MXI1: variants seen among roughly 807,000 people sequenced by gnomAD.
The protein encoded by MXI1 is max-interacting protein 1.
In MXI1, 18 loss-of-function variants were observed where a neutral mutation model predicts 36.9. That is an observed-to-expected ratio of 0.49 (90% CI 0.34 to 0.72). The LOEUF is 0.72. Among genes scored for constraint, MXI1 ranks in the 30% least tolerant of loss-of-function variants. The probability of loss-of-function intolerance (pLI) is 0.01; values close to 1 mark genes in which losing one functional copy is unlikely to be tolerated. For missense variants in MXI1, 304 were observed against 379.1 expected, an observed-to-expected ratio of 0.80 and a Z score of 1.64; for synonymous variants, 160 against 146.7, an observed-to-expected ratio of 1.09 and a Z score of -0.65.
chr10:110,250,841 A>AT (rs1307776906), intron 3 of MXI1, among the ~76,000 whole-genome samples: 1 of 150,704 alleles, frequency 6.6e-6, no homozygotes, highest in Non-Finnish European at 1.5e-5. Context: ...AAAAAAAAAA[A>AT]AAAAAAATAA....
intron 5 of MXI1, among the ~76,000 whole-genome samples, chr10:110,284,338 G>C (rs1857369679): frequency 6.6e-6 from 1 of 152,174 alleles, no homozygotes; most frequent in African/African-American, 2.4e-5. Flanking sequence ...ATGAATCCTA[G>C]AAGTCTGTTG....
intron 1 of MXI1, chr10:110,227,274 G>A: frequency 6.8e-6 from 6 of 879,748 alleles, no homozygotes; most frequent in Non-Finnish European, 8.0e-6. Context: ...GGGCGTGCGC[G>A]TGTGGGAGGG....
chr10:110,280,610 G>A (rs1185856785), intron 5 of MXI1, among the ~76,000 whole-genome samples: 1 of 151,572 alleles, frequency 6.6e-6, no homozygotes, highest in Non-Finnish European at 1.5e-5. Flanking sequence ...AACCCGGGAG[G>A]CGGAGCTTGC....
intron 3 of MXI1, among the ~76,000 whole-genome samples, chr10:110,273,576 A>G (rs1856929839): frequency 6.6e-6 from 1 of 151,770 alleles, no homozygotes; most frequent in African/African-American, 2.4e-5. Flanking sequence ...TTTGGTATAT[A>G]TGTGTAGGAA....
chr10:110,232,399 C>T (rs762232226), intron 2 of MXI1, among the ~76,000 whole-genome samples: 3 of 152,162 alleles, frequency 2.0e-5, no homozygotes, highest in Non-Finnish European at 2.9e-5. Flanking sequence ...TTGAATAACA[C>T]TCTTCTTCAG....
At chr10:110,226,905 G>T (rs1430883992) in intron 1 of MXI1, among the ~76,000 whole-genome samples, 2 of 15,966 alleles carry the variant, frequency 1.3e-4, no homozygotes. Context: ...TGTGAGGGAG[G>T]GGTGCGCGCG....
chr10:110,235,837 G>A (rs564069518), intron 2 of MXI1, among the ~76,000 whole-genome samples: 7 of 151,438 alleles, frequency 4.6e-5, no homozygotes, highest in Admixed American at 3.3e-4. Context: ...GGTGAAGCCC[G>A]TCTCTACTAA....
intron 1 of MXI1, among the ~76,000 whole-genome samples, chr10:110,217,574 C>T (rs1002123776): frequency 6.6e-6 from 1 of 152,200 alleles, no homozygotes; most frequent in Non-Finnish European, 1.5e-5. Flanking sequence ...GCTCCCAAGA[C>T]TGTGTGTGCC....
At chr10:110,278,737 C>T (rs891221673) in intron 3 of MXI1, among the ~76,000 whole-genome samples, 5 of 151,662 alleles carry the variant, frequency 3.3e-5, no homozygotes, top group Non-Finnish European at 7.4e-5. Flanking sequence ...TGCCCACACA[C>T]GTGCAAGCAA....
chr10:110,214,898 C>A (rs911401237), intron 1 of MXI1, among the ~76,000 whole-genome samples: 3 of 151,088 alleles, frequency 2.0e-5, no homozygotes, highest in Admixed American at 1.3e-4. Flanking sequence ...AAGTAACAAC[C>A]CAGCAAGAAA....
At chr10:110,282,471 A>C (rs745896729) in intron 5 of MXI1, among the ~76,000 whole-genome samples, 1 of 152,214 alleles carries the variant, frequency 6.6e-6, no homozygotes, top group Non-Finnish European at 1.5e-5. Flanking sequence ...ATTTATCAGT[A>C]ACAGTGAAAT....
intron 5 of MXI1, 75 bp from the exon 6 acceptor site, chr10:110,284,749 C>T: frequency 7.6e-7 from 1 of 1,315,450 alleles, no homozygotes; most frequent in Non-Finnish European, 1.0e-6. Flanking sequence ...TACCTCTTTT[C>T]CTCATGCTGT....
chr10:110,209,934 C>A (rs1455827166), intron 1 of MXI1, among the ~76,000 whole-genome samples: 1 of 150,740 alleles, frequency 6.6e-6, no homozygotes, highest in Non-Finnish European at 1.5e-5. Flanking sequence ...CCCCAGCCAC[C>A]CCCCCTCACC....
At chr10:110,228,985 T>A (rs1409920082) in intron 2 of MXI1, among the ~76,000 whole-genome samples, 1 of 152,336 alleles carries the variant, frequency 6.6e-6, no homozygotes, top group Middle Eastern at 3.4e-3. Flanking sequence ...TTTGGGAGGC[T>A]GAGGTGGGAG....
intron 3 of MXI1, among the ~76,000 whole-genome samples, chr10:110,267,341 G>A (rs1856707963): frequency 6.6e-6 from 1 of 152,190 alleles, no homozygotes; most frequent in Non-Finnish European, 1.5e-5. Flanking sequence ...GTATGTTTCT[G>A]TAATATATTG....
intron 3 of MXI1, chr10:110,245,761 T>G (rs796932199): frequency 2.6e-5 from 4 of 152,254 alleles, no homozygotes; most frequent in African/African-American, 7.2e-5. Context: ...ATTGGTTGGT[T>G]GGGAGAAGGG....
Position 110,286,340 on chromosome 10 carries a change from C to T in MXI1, c.*1353C>T, listed in dbSNP as rs1459665024. ...ATTTTCTTCTAAGTGAAATTTCTAG[C>T]CTGCACTTTGATGTCATGTGTTCCC... On this transcript the variant is annotated 3_prime_UTR_variant, in exon 6 of 6. Transcript: ENST00000332674. 1 of 152,558 alleles carries T rather than the reference C, an allele frequency of 6.6e-6. No individual in the cohort carries two copies. Among genetic ancestry groups the T allele is most frequent in the African/African-American group, 2.4e-5 (1 of 41,424 alleles). 9.5% of individuals were successfully genotyped at this position (152,558 alleles called of 1,614,324 possible). A position where few individuals can be genotyped will look rare whatever the true frequency, so the allele number is the denominator to read the frequency against.
At chr10:110,236,057 T>C (rs1205113469) in intron 2 of MXI1, among the ~76,000 whole-genome samples, 1 of 151,022 alleles carries the variant, frequency 6.6e-6, no homozygotes, top group African/African-American at 2.4e-5. Flanking sequence ...ATATTAGGTT[T>C]TACATTTAGA....
chr10:110,213,352 T>C (rs1854554366), intron 1 of MXI1, among the ~76,000 whole-genome samples: 1 of 152,264 alleles, frequency 6.6e-6, no homozygotes, highest in Non-Finnish European at 1.5e-5. Flanking sequence ...ATTGAATGTC[T>C]ACTATGTGCA....
Sources: gnomAD v4.1 joint callset for allele counts (sites outside exome capture counted in the v4.1 genomes callset) on GRCh38, gnomAD v4.1.1 for gene constraint, MANE v1.5 for transcripts, NCBI Gene and HGNC (gene_info 2026-07-23, HGNC 2026-07-21) for gene names.